The following MYO9B variants were observed in gnomAD, a reference collection of about 807,000 sequenced individuals.
MYO9B encodes unconventional myosin-IXb.
In MYO9B, 71 loss-of-function variants were observed where a neutral mutation model predicts 229.5. That is an observed-to-expected ratio of 0.31 (90% CI 0.26 to 0.38). MYO9B has a LOEUF of 0.38. Ranked by LOEUF, MYO9B falls within the 10% of genes least tolerant of loss-of-function variation. The pLI is 1.00. For synonymous variants in MYO9B, 1,185 were observed against 1,235.8 expected (o/e 0.96, Z 0.86); for missense variants, 2,255 against 2,920.5 (o/e 0.77, Z 5.25).
intron 1 of MYO9B, among the ~76,000 whole-genome samples, chr19:17,077,027 G>A (rs2057491664): frequency 6.6e-6 from 1 of 152,114 alleles, no homozygotes; most frequent in African/African-American, 2.4e-5. Context: ...GGGAGCCCGT[G>A]GGGACACTTT....
intron 18 of MYO9B, among the ~76,000 whole-genome samples, chr19:17,187,226 T>C (rs1356657223): frequency 6.6e-6 from 1 of 152,144 alleles, no homozygotes; most frequent in Non-Finnish European, 1.5e-5. Flanking sequence ...ACCCAGCTGT[T>C]CTCTGCCTGT....
chr19:17,132,519 A>ATT (rs2072211619), intron 2 of MYO9B, among the ~76,000 whole-genome samples: 1 of 78,506 alleles, frequency 1.3e-5, no homozygotes, highest in African/African-American at 5.9e-5. Context: ...TTTATTTATT[A>ATT]TTATTATTTT....
At chr19:17,146,033 A>G (rs1361462202) in intron 3 of MYO9B, among the ~76,000 whole-genome samples, 1 of 150,352 alleles carries the variant, frequency 6.7e-6, no homozygotes, top group East Asian at 2.0e-4. Flanking sequence ...GTAGATGGAT[A>G]GACAGATTTA....
intron 34 of MYO9B, 137 bp from the exon 35 acceptor site, chr19:17,206,976 C>G (rs1248502290): frequency 7.4e-7 from 1 of 1,355,336 alleles, no homozygotes; most frequent in Admixed American, 2.0e-5. Context: ...CTCTGTGCTG[C>G]GGAAGCATCT....
In MYO9B at chr19:17,101,731, A is replaced by G. The variant is rs1384098163; in HGVS notation, c.14A>G (p.Glu5Gly). MSVKEAGSSGRREQA... is the reference protein window; with the variant it reads MSVKGAGSSGRREQA... Reference sequence around the variant, plus strand: ...GCGGCCGGCAGGATGAGTGTGAAAGAGGCAGGCAGCTCGGGCCGCCGGGAG... The same window carrying G: ...GCGGCCGGCAGGATGAGTGTGAAAGGGGCAGGCAGCTCGGGCCGCCGGGAG... Residue 5 changes from glutamate to glycine, a missense_variant, in exon 2 of 40, where the codon GAG (glutamate) becomes GGG (glycine). Physicochemically the swap from Glu to Gly is moderately conservative, Grantham distance 98. This residue lies in a region of MYO9B where 386 missense variants were observed against 515.2 expected (regional missense o/e 0.75). Transcript: ENST00000682292. The surrounding 1 kb of genome is among the most constrained non-coding windows in gnomAD (Gnocchi z 4.7). The G allele has an allele frequency of 2.5e-6, 4 of 1,581,252 alleles. No homozygotes were observed. The East Asian group carries it at 9.2e-5, about 36-fold the overall frequency.
chr19:17,188,993 C>CAAA (rs34367144), intron 19 of MYO9B, among the ~76,000 whole-genome samples: 4 of 126,380 alleles, frequency 3.2e-5, no homozygotes, highest in African/African-American at 8.7e-5. Flanking sequence ...ACTAAAAATA[C>CAAA]AAAAAAAAAA....
rs1318940419 is a variant in MYO9B at position 17,103,191 on chromosome 19, A to C, written c.840+634A>C. ...GCACTACTGCACTCCAGCCTGGGCA[A>C]CAGAGACAGACCCTGCCTCTAAAGA... On this transcript the variant is annotated intron_variant, in intron 2 of 39. Coordinates refer to ENST00000682292, the MANE Select transcript of MYO9B (RefSeq NM_004145.4). 3 of 152,394 alleles carry C rather than the reference A, an allele frequency of 2.0e-5. No homozygotes were observed. In the East Asian group the frequency reaches 5.8e-4, roughly 29 times the overall value. 9.4% of individuals were successfully genotyped at this position (152,394 alleles called of 1,614,324 possible).
intron 15 of MYO9B, 112 bp from the exon 16 acceptor site, chr19:17,183,716 TC>T: frequency 1.2e-6 from 1 of 857,588 alleles, no homozygotes. Context: ...TCTCACTCTC[TC>T]CCCTCTCTCT....
At chr19:17,182,921 G>A (rs2072876992) in intron 15 of MYO9B, among the ~76,000 whole-genome samples, 1 of 151,952 alleles carries the variant, frequency 6.6e-6, no homozygotes, top group African/African-American at 2.4e-5. Context: ...GAGCAGCTTT[G>A]GGTTTTGGGG....
chr19:17,175,628 C>T, intron 13 of MYO9B, 35 bp from the exon 14 acceptor site: 1 of 1,503,230 alleles, frequency 6.7e-7, no homozygotes, highest in Non-Finnish European at 8.9e-7. Context: ...CATAGGAGGC[C>T]ATCCCCACCA....
At chr19:17,110,057 C>T (rs1413666263) in intron 2 of MYO9B, among the ~76,000 whole-genome samples, 1 of 152,154 alleles carries the variant, frequency 6.6e-6, no homozygotes, top group South Asian at 2.1e-4. Context: ...CTCTCTCGCC[C>T]GGGCTGCAGA....
chr19:17,209,814 G>A (rs2073205502), intron 36 of MYO9B, 105 bp downstream of exon 36: 2 of 1,436,414 alleles, frequency 1.4e-6, no homozygotes, highest in Non-Finnish European at 1.9e-6. Flanking sequence ...TGGTGAGTGG[G>A]GTCTTGGTGG....
chr19:17,194,710 G>A lies in MYO9B; in HGVS notation c.3283G>A (p.Gly1095Arg), dbSNP rs372527239. The change falls in exon 22 of 40, where the codon GGG becomes AGG. Residue 1095 changes from glycine to arginine, a missense_variant. Transcript: ENST00000682292. Reference sequence around the variant, plus strand: ...GGGGCCGGAGCCAGCGGAGGATGGCGGGCACCTGGCATCGGAGCCTGAGGT... The same window carrying A: ...GGGGCCGGAGCCAGCGGAGGATGGCAGGCACCTGGCATCGGAGCCTGAGGT... ...EQGPEPAEDG[G>R]HLASEPEVQP... 25 of 1,612,816 alleles carry A rather than the reference G, an allele frequency of 1.6e-5. No individual in the cohort carries two copies. Among genetic ancestry groups the A allele is most frequent in the African/African-American group, 9.3e-5 (7 of 75,020 alleles).
At chr19:17,125,305 C>A (rs578224134) in intron 2 of MYO9B, among the ~76,000 whole-genome samples, 5 of 138,782 alleles carry the variant, frequency 3.6e-5, no homozygotes, top group Non-Finnish European at 7.8e-5. Flanking sequence ...CATCCCCCCC[C>A]CCCCAAAAAA....
intron 2 of MYO9B, among the ~76,000 whole-genome samples, chr19:17,116,332 CAG>C (rs1277121392): frequency 6.6e-6 from 1 of 152,218 alleles, no homozygotes; most frequent in Non-Finnish European, 1.5e-5. Flanking sequence ...CTGTAGCTGA[CAG>C]GGCCTGACCA....
At chr19:17,118,436 A>G (rs561371762) in intron 2 of MYO9B, among the ~76,000 whole-genome samples, 147 of 152,088 alleles carry the variant, frequency 9.7e-4, no homozygotes, top group African/African-American at 3.4e-3. Context: ...GCCTGTCTCT[A>G]TATTTTTTAA....
chr19:17,146,977 G>A (rs1340803856), intron 3 of MYO9B, among the ~76,000 whole-genome samples: 1 of 152,192 alleles, frequency 6.6e-6, no homozygotes, highest in Non-Finnish European at 1.5e-5. Flanking sequence ...TGAACCTTCC[G>A]CCTCTAGCTT....
Position 17,206,388 on chromosome 19 carries a change from G to A in MYO9B, c.5386+12G>A, listed in dbSNP as rs1357202951. On this transcript the variant is annotated intron_variant, in intron 33 of 39. Transcript: ENST00000682292. ...CCTCCGAGCCGTCGGTGAGCCCCATGGCGGTGCGGGTGGCAGCAGGTGGCC... is the reference window on the plus strand; with the variant it reads ...CCTCCGAGCCGTCGGTGAGCCCCATAGCGGTGCGGGTGGCAGCAGGTGGCC... 1 of 1,607,574 alleles carries A rather than the reference G, an allele frequency of 6.2e-7. No homozygotes were observed. Among genetic ancestry groups the A allele is most frequent in the East Asian group, 2.2e-5 (1 of 44,846 alleles).
rs756492184 is a variant in MYO9B, at chr19:17,210,325, T to G, written c.5749-8T>G. 2 of 1,593,804 alleles carry G rather than the reference T, an allele frequency of 1.3e-6. No homozygotes were observed. Among genetic ancestry groups the G allele is most frequent in the African/African-American group, 2.7e-5 (2 of 74,684 alleles). On this transcript the variant is annotated splice_region_variant and splice_polypyrimidine_tract_variant and intron_variant, in intron 36 of 39. Coordinates refer to ENST00000682292, the MANE Select transcript of MYO9B (RefSeq NM_004145.4). Reference sequence around the variant, plus strand: ...CGTGTGGTCACCCTGTGTTCATCTCTCTCCCAGCCATGGCCTCTCAAACTG... The same window carrying G: ...CGTGTGGTCACCCTGTGTTCATCTCGCTCCCAGCCATGGCCTCTCAAACTG...
Sources: gnomAD v4.1 joint callset for allele counts (sites outside exome capture counted in the v4.1 genomes callset) on GRCh38, gnomAD v4.1.1 for gene constraint, gnomAD v4.1.1 regional missense constraint, Gnocchi (gnomAD v3.1) non-coding constraint, MANE v1.5 for transcripts, NCBI Gene and HGNC (gene_info 2026-07-23, HGNC 2026-07-21) for gene names.